Variants in CDH23 observed in about 807,000 individuals in gnomAD.
CDH23 encodes cadherin related 23.
Under a neutral mutation model 317.1 loss-of-function variants are expected in CDH23, and 189 were observed. That is an observed-to-expected ratio of 0.60 (90% CI 0.53 to 0.67). The LOEUF (loss-of-function observed/expected upper bound fraction) is 0.67. CDH23 is among the 30% of genes least tolerant of loss of function. The pLI, the probability that CDH23 is intolerant of heterozygous loss-of-function variation, is 0.00. For missense variants in CDH23, 4,401 were observed against 4,592.4 expected (o/e 0.96, Z 1.20); for synonymous variants, 1,839 against 1,876.8 (o/e 0.98, Z 0.52).
chr10:71,799,357 C>G (rs541547301), intron 51 of CDH23, 77 bp downstream of exon 51: 1 of 1,607,026 alleles, frequency 6.2e-7, no homozygotes, highest in Non-Finnish European at 8.5e-7. Flanking sequence ...CCTCTCCCAC[C>G]CTGCCAGCCT....
intron 19 of CDH23, among the ~76,000 whole-genome samples, chr10:71,690,252 A>G (rs1589338101): frequency 2.0e-5 from 3 of 152,218 alleles, no homozygotes; most frequent in African/African-American, 7.2e-5. Flanking sequence ...GTCCCCACCC[A>G]GCCCAGCGAT....
chr10:71,664,094 C>T (rs2132639782), intron 14 of CDH23, among the ~76,000 whole-genome samples: 1 of 152,258 alleles, frequency 6.6e-6, no homozygotes, highest in South Asian at 2.1e-4. Flanking sequence ...ATGACCTGTG[C>T]CTCTGAGGGG....
intron 30 of CDH23, among the ~76,000 whole-genome samples, chr10:71,726,023 G>A (rs1554862337): frequency 6.6e-6 from 1 of 152,114 alleles, no homozygotes; most frequent in South Asian, 2.1e-4. Flanking sequence ...CTCATCAAAT[G>A]TATTCTTTCC....
At chr10:71,451,281 C>CT (rs1390241322) in intron 3 of CDH23, among the ~76,000 whole-genome samples, 1 of 152,198 alleles carries the variant, frequency 6.6e-6, no homozygotes, top group Non-Finnish European at 1.5e-5. Context: ...ACGCTGCGGC[C>CT]TTTTTTATCC....
At chr10:71,797,045 G>A (rs1841422894) in intron 48 of CDH23, 59 bp from the exon 49 acceptor site, 1 of 1,135,800 alleles carries the variant, frequency 8.8e-7, no homozygotes, top group African/African-American at 1.5e-5. Context: ...AGCACCCCTG[G>A]GAAGGGCAGA....
At chr10:71,777,962 G>C in intron 39 of CDH23, 61 bp downstream of exon 39, 1 of 1,570,074 alleles carries the variant, frequency 6.4e-7, no homozygotes, top group Non-Finnish European at 8.7e-7. Context: ...TTGGCAAGGA[G>C]TTCAGTGACA....
intron 6 of CDH23, among the ~76,000 whole-genome samples, chr10:71,565,202 G>T (rs1022658037): frequency 6.6e-6 from 1 of 152,126 alleles, no homozygotes; most frequent in African/African-American, 2.4e-5. Context: ...TCTCCTTAAG[G>T]TGGGGGAGGG....
At position 71,799,240 on chromosome 10, in the gene CDH23, T is replaced by A; in HGVS notation, c.7184T>A (p.Ile2395Asn). 2 of 1,614,046 alleles carry A rather than the reference T, an allele frequency of 1.2e-6. No individual in the cohort carries two copies. Among genetic ancestry groups the A allele is most frequent in the Middle Eastern group, 1.6e-4 (1 of 6,062 alleles). Reference sequence around the variant, plus strand: ...CCTGTCTACCTGGAAATCGTGGACATCAATGACAACAACCCCATCTTTGAC... The same window carrying A: ...CCTGTCTACCTGGAAATCGTGGACAACAATGACAACAACCCCATCTTTGAC... Reference protein sequence around the residue: ...EIPVYLEIVDINDNNPIFDQP... With the variant: ...EIPVYLEIVDNNDNNPIFDQP... Residue 2395 changes from isoleucine (I) to asparagine (N), a missense_variant, in exon 51 of 70, where the codon ATC becomes AAC. This residue lies in a region of CDH23 where 189 missense variants were observed against 250.9 expected (regional missense o/e 0.75). Transcript: ENST00000224721.
intron 38 of CDH23, among the ~76,000 whole-genome samples, chr10:71,766,875 A>T (rs1317145449): frequency 6.6e-6 from 1 of 152,218 alleles, no homozygotes; most frequent in Non-Finnish European, 1.5e-5. Context: ...CTGATGCCTC[A>T]TCCTTCAGCT....
chr10:71,713,167 C>T (rs769832423), intron 28 of CDH23: 12 of 779,148 alleles, frequency 1.5e-5, no homozygotes, highest in Admixed American at 1.0e-4. Context: ...GAGCCAGGGC[C>T]CAGCAAGGCC....
intron 41 of CDH23, among the ~76,000 whole-genome samples, chr10:71,780,389 A>G (rs540023230): frequency 1.3e-5 from 2 of 152,342 alleles, no homozygotes; most frequent in East Asian, 3.9e-4. Flanking sequence ...GGGGAATGCC[A>G]GGGTGAAGGC....
rs866677740 is a variant in CDH23, at chr10:71,793,385, C to CCT, written c.6463_6464dup (p.Gly2156ArgfsTer9). 1.2e-6 allele frequency: 2 copies of CCT among 1,614,000 alleles called. No individual in the cohort carries two copies. Among genetic ancestry groups the CCT allele is most frequent in the African/African-American group, 2.7e-5 (2 of 75,052 alleles). On this transcript the variant is annotated frameshift_variant, in exon 48 of 70. Coordinates refer to ENST00000224721, the MANE Select transcript of CDH23 (RefSeq NM_022124.6). LOFTEE classifies it high-confidence loss of function. ...GGTGGCCACCGACCGGGGCACCGTT[C>CCT]CTCTCTCGGGCACAGCCATTGTCAC... is the stretch of plus-strand genomic sequence containing the variant.
At chr10:71,705,280 C>G (rs1865743915) in intron 25 of CDH23, 150 bp downstream of exon 25, 1 of 707,900 alleles carries the variant, frequency 1.4e-6, no homozygotes, top group African/African-American at 1.8e-5. Flanking sequence ...CCCTCCCCAG[C>G]TGGAGCCATT....
chr10:71,602,293 G>T (rs975721870), intron 9 of CDH23, among the ~76,000 whole-genome samples: 1 of 152,168 alleles, frequency 6.6e-6, no homozygotes, highest in African/African-American at 2.4e-5. Context: ...AGGGAAGATG[G>T]AGAGGGCTCG....
intron 8 of CDH23, among the ~76,000 whole-genome samples, chr10:71,576,882 A>G (rs1045715288): frequency 2.0e-5 from 3 of 152,200 alleles, no homozygotes; most frequent in African/African-American, 7.2e-5. Context: ...TCAATCAATC[A>G]ACCCATCAAT....
intron 38 of CDH23, among the ~76,000 whole-genome samples, chr10:71,767,762 T>A (rs1001129358): frequency 2.6e-5 from 4 of 152,136 alleles, no homozygotes; most frequent in Admixed American, 6.5e-5. Context: ...CTCAGATGTG[T>A]TTATTGATAC....
intron 6 of CDH23, among the ~76,000 whole-genome samples, chr10:71,538,426 C>T (rs1365044400): frequency 2.0e-5 from 3 of 151,574 alleles, no homozygotes; most frequent in Non-Finnish European, 2.9e-5. Context: ...CCTCACTCGA[C>T]GTTTGGGAAA....
At chr10:71,457,210 A>G (rs528768935) in intron 3 of CDH23, among the ~76,000 whole-genome samples, 1 of 152,338 alleles carries the variant, frequency 6.6e-6, no homozygotes, top group African/African-American at 2.4e-5. Context: ...CTGTGAGGCA[A>G]GCAATTTGTG....
At chr10:71,773,868 A>G (rs1840752585) in intron 38 of CDH23, among the ~76,000 whole-genome samples, 1 of 152,202 alleles carries the variant, frequency 6.6e-6, no homozygotes, top group African/African-American at 2.4e-5. Flanking sequence ...ATCTGGGGAC[A>G]GAGACTTGTA....
Sources: allele counts gnomAD v4.1 joint callset (sites outside exome capture counted in the v4.1 genomes callset), GRCh38; gene constraint gnomAD v4.1.1; regional missense constraint gnomAD v4.1.1; transcripts MANE v1.5; gene names NCBI Gene and HGNC (gene_info 2026-07-23, HGNC 2026-07-21).